The following KCNJ3 variants were observed in gnomAD, a reference collection of about 807,000 sequenced individuals.
KCNJ3 encodes G protein-activated inward rectifier potassium channel 1.
KCNJ3 carries 4 observed loss-of-function variants against 39.2 expected under a neutral mutation model. That is an observed-to-expected ratio of 0.10 (90% confidence interval 0.05 to 0.23). The LOEUF is 0.23. Among genes scored for constraint, KCNJ3 ranks in the 10% least tolerant of loss-of-function variants. KCNJ3 has a pLI of 1.00. For missense variants in KCNJ3, 276 were observed against 634.9 expected, an observed-to-expected ratio of 0.43 and a Z score of 6.08; for synonymous variants, 230 against 237.4, an observed-to-expected ratio of 0.97 and a Z score of 0.29.
chr2:154,814,592 G>A (rs1001325526), intron 2 of KCNJ3, among the ~76,000 whole-genome samples: 4 of 152,042 alleles, frequency 2.6e-5, no homozygotes, highest in East Asian at 1.9e-4. Context: ...AGCCAAGATC[G>A]TGCCACTGTG....
Position 154,709,659 on chromosome 2 carries a change from A to G in KCNJ3, c.759A>G (p.Val253=), listed in dbSNP as rs1350497649. 1.9e-6 allele frequency: 3 copies of G among 1,613,888 alleles called. No individual in the cohort carries two copies. In the South Asian group the frequency reaches 3.3e-5, roughly 18 times the overall value. ...FLPLDQLELD[V]GFSTGADQLF... is the part of the protein sequence containing the mutation. The stretch of plus-strand genomic sequence containing the variant: ...CCCTTGACCAACTTGAACTGGATGT[A>G]GGTTTTAGTACAGGGGCAGATCAAC... Residue 253 remains valine, a synonymous_variant, in exon 2 of 3, where the codon GTA becomes GTG. Coordinates refer to ENST00000295101, the MANE Select transcript of KCNJ3 (RefSeq NM_002239.4).
At chr2:154,814,377 C>T (rs1010146947) in intron 2 of KCNJ3, among the ~76,000 whole-genome samples, 6 of 152,070 alleles carry the variant, frequency 3.9e-5, no homozygotes, top group Non-Finnish European at 5.9e-5. Flanking sequence ...GTGGCTTATG[C>T]GTGTAATCCT....
intron 2 of KCNJ3, among the ~76,000 whole-genome samples, chr2:154,728,872 A>G (rs1296390105): frequency 3.3e-5 from 5 of 152,100 alleles, no homozygotes; most frequent in Non-Finnish European, 7.4e-5. Flanking sequence ...TTAGTGGGAA[A>G]GGGAAGGATT....
At position 154,855,335 on chromosome 2, in the gene KCNJ3, A is replaced by T. The variant is rs1687818504; in HGVS notation, c.*22A>T. 3 of 1,473,998 alleles carry T rather than the reference A, an allele frequency of 2.0e-6. No homozygotes were observed. The highest frequency in any genetic ancestry group is 2.8e-6 in the Non-Finnish European group (3 of 1,086,302). 91.3% of individuals were successfully genotyped at this position (1,473,998 alleles called of 1,614,324 possible). A position where few individuals can be genotyped will look rare whatever the true frequency, so the allele number is the denominator to read the frequency against. ...ATAACAAAGCACTCCCTTAGGCATT[A>T]TTTAATGTTTGATTTAGTAATAGTC... is the stretch of plus-strand genomic sequence containing the variant. On this transcript the variant is annotated 3_prime_UTR_variant, in exon 3 of 3. Coordinates refer to ENST00000295101, the MANE Select transcript of KCNJ3 (RefSeq NM_002239.4).
intron 2 of KCNJ3, among the ~76,000 whole-genome samples, chr2:154,776,661 G>A (rs1686340543): frequency 6.6e-6 from 1 of 151,862 alleles, no homozygotes; most frequent in Non-Finnish European, 1.5e-5. Context: ...TAAGTACTTT[G>A]AAAATATTCA....
At chr2:154,754,356 C>A (rs1004280300) in intron 2 of KCNJ3, among the ~76,000 whole-genome samples, 1 of 152,096 alleles carries the variant, frequency 6.6e-6, no homozygotes, top group Non-Finnish European at 1.5e-5. Flanking sequence ...TGCAGCCAAC[C>A]TCTGCCTCCT....
Position 154,751,981 on chromosome 2 carries a change from G to A in KCNJ3, c.919+42162G>A, listed in dbSNP as rs188552772. Among the ~76,000 whole-genome samples, 37 of 152,118 alleles carry A rather than the reference G, an allele frequency of 2.4e-4. 1 individual carries two copies. In the East Asian group the frequency reaches 6.2e-3, roughly 25 times the overall value. On this transcript the variant is annotated intron_variant, in intron 2 of 2. Coordinates refer to ENST00000295101, the MANE Select transcript of KCNJ3 (RefSeq NM_002239.4). ...CTTTGCCAATACAGTCACATTCTGAGGAATTGGGGGTTAGAGTTTTAACAC... is the reference window on the plus strand; with the variant it reads ...CTTTGCCAATACAGTCACATTCTGAAGAATTGGGGGTTAGAGTTTTAACAC...
chr2:154,820,052 C>T (rs931329056), intron 2 of KCNJ3, among the ~76,000 whole-genome samples: 1 of 152,078 alleles, frequency 6.6e-6, no homozygotes, highest in Non-Finnish European at 1.5e-5. Context: ...CTCAGCTTCC[C>T]CTAGTATTAA....
At chr2:154,757,996 G>A (rs568291130) in intron 2 of KCNJ3, among the ~76,000 whole-genome samples, 45 of 152,164 alleles carry the variant, frequency 3.0e-4, no homozygotes, top group African/African-American at 9.6e-4. Flanking sequence ...ATAGCAGATG[G>A]CACTTAAAAA....
rs1367156761 is a variant in KCNJ3 at position 154,855,735 on chromosome 2, G to C, written c.*422G>C. On this transcript the variant is annotated 3_prime_UTR_variant, in exon 3 of 3. Transcript: ENST00000295101. ...GCGATAAAACTAAATATATGTCTGTGTGTGTGTGTGTATGTATACACACAT... is the reference window on the plus strand; with the variant it reads ...GCGATAAAACTAAATATATGTCTGTCTGTGTGTGTGTATGTATACACACAT... 6.4e-6 allele frequency: 1 copy of C among 156,464 alleles called. No individual in the cohort carries two copies. The highest frequency in any genetic ancestry group is 1.4e-5 in the Non-Finnish European group (1 of 70,438). The allele number at this position is 156,464 out of a possible 1,614,324, so 9.7% of individuals were successfully genotyped here.
At chr2:154,795,889 C>T (rs975361730) in intron 2 of KCNJ3, among the ~76,000 whole-genome samples, 3 of 151,984 alleles carry the variant, frequency 2.0e-5, no homozygotes, top group East Asian at 1.9e-4. Flanking sequence ...TGGATTTTGA[C>T]GAGTTGGATT....
At chr2:154,768,158 T>A (rs1265098918) in intron 2 of KCNJ3, among the ~76,000 whole-genome samples, 1 of 152,222 alleles carries the variant, frequency 6.6e-6, no homozygotes, top group Non-Finnish European at 1.5e-5. Flanking sequence ...CTGCTGGTGG[T>A]TTCTTTTGCT....
chr2:154,750,983 A>T (rs1685834595), intron 2 of KCNJ3, among the ~76,000 whole-genome samples: 1 of 151,934 alleles, frequency 6.6e-6, no homozygotes, highest in Admixed American at 6.6e-5. Context: ...ACACTTCGTT[A>T]TCTATATTGC....
In KCNJ3 at chr2:154,748,877, G is replaced by A. The variant is rs1255480236; in HGVS notation, c.919+39058G>A. Among the ~76,000 whole-genome samples, 10 of 152,230 alleles carry A rather than the reference G, an allele frequency of 6.6e-5. No homozygotes were observed. In the East Asian group the frequency reaches 1.5e-3, roughly 24 times the overall value. ...TACTACTGATACGGACATATTAACAGTTATCTGTCAGTTACATGACTTTTC... is the reference window on the plus strand; with the variant it reads ...TACTACTGATACGGACATATTAACAATTATCTGTCAGTTACATGACTTTTC... On this transcript the variant is annotated intron_variant, in intron 2 of 2. Coordinates refer to ENST00000295101, the MANE Select transcript of KCNJ3 (RefSeq NM_002239.4).
At chr2:154,704,040 G>A (rs1479922191) in intron 1 of KCNJ3, among the ~76,000 whole-genome samples, 1 of 151,988 alleles carries the variant, frequency 6.6e-6, no homozygotes, top group Non-Finnish European at 1.5e-5. Context: ...TTCCTATTTA[G>A]TCTAGTTTTT....
Position 154,856,739 on chromosome 2 carries a change from A to C in KCNJ3, c.*1426A>C, listed in dbSNP as rs2105144616. ...CTGTTTTTTCTAATCCTGAAGTCTG[A>C]TATTTATGACTCATTAGCAGGAATC... On this transcript the variant is annotated 3_prime_UTR_variant, in exon 3 of 3. Coordinates refer to ENST00000295101, the MANE Select transcript of KCNJ3 (RefSeq NM_002239.4). The C allele has an allele frequency of 6.6e-6, 1 of 152,296 alleles. No homozygotes were observed. The allele number at this position is 152,296 out of a possible 1,614,324, so 9.4% of individuals were successfully genotyped here. A position where few individuals can be genotyped will look rare whatever the true frequency, so the allele number is the denominator to read the frequency against.
At chr2:154,764,031 A>G (rs1380915268) in intron 2 of KCNJ3, among the ~76,000 whole-genome samples, 1 of 152,204 alleles carries the variant, frequency 6.6e-6, no homozygotes, top group African/African-American at 2.4e-5. Flanking sequence ...TATGTGTATC[A>G]CACCTGAAAT....
chr2:154,834,653 T>C (rs1055164371), intron 2 of KCNJ3, among the ~76,000 whole-genome samples: 4 of 145,336 alleles, frequency 2.8e-5, no homozygotes, highest in African/African-American at 7.4e-5. Flanking sequence ...GGCGTGAACC[T>C]GGGAGGCGGA....
intron 2 of KCNJ3, among the ~76,000 whole-genome samples, chr2:154,819,977 A>T (rs949501869): frequency 2.0e-5 from 3 of 151,994 alleles, no homozygotes; most frequent in Non-Finnish European, 4.4e-5. Flanking sequence ...TGTGCTTTGC[A>T]TTTGTTGTGT....
Sources: allele counts gnomAD v4.1 joint callset (sites outside exome capture counted in the v4.1 genomes callset), GRCh38; gene constraint gnomAD v4.1.1; transcripts MANE v1.5; gene names NCBI Gene and HGNC (gene_info 2026-07-23, HGNC 2026-07-21).